The following TRIM5 variants were observed in gnomAD, a reference collection of about 807,000 sequenced individuals.
TRIM5 encodes tripartite motif-containing protein 5.
TRIM5 carries 31 observed loss-of-function variants against 35.6 expected under a neutral mutation model. The ratio of observed to expected loss-of-function variants is 0.87; its 90% CI spans 0.65 to 1.18. TRIM5 has a LOEUF of 1.18. Among genes scored for constraint, TRIM5 ranks in the 50% most tolerant of loss-of-function variants. The probability of loss-of-function intolerance (pLI) is 0.00; values close to 1 mark genes in which losing one functional copy is unlikely to be tolerated. For synonymous variants in TRIM5, 243 were observed against 215.6 expected, an observed-to-expected ratio of 1.13 and a Z score of -1.11; for missense variants, 609 against 591.6, an observed-to-expected ratio of 1.03 and a Z score of -0.31.
the TRIM5 span, chr11:5,643,885 A>T: frequency 1.2e-6 from 1 of 816,568 alleles, no homozygotes; most frequent in Non-Finnish European, 1.8e-6. Context: ...TTATTCATTT[A>T]CTCTTTTTCA....
chr11:5,641,458 C>T, the TRIM5 span, among the ~76,000 whole-genome samples: 6,137 of 152,262 alleles, frequency 0.04, 399 homozygotes, highest in African/African-American at 0.14. Flanking sequence ...TGTCAGACTT[C>T]GGTGACTTCA....
At chr11:5,603,620 A>G in the TRIM5 span, 1 of 1,613,358 alleles carries the variant, frequency 6.2e-7, no homozygotes, top group Non-Finnish European at 8.5e-7. Flanking sequence ...CATGGAGAAA[A>G]ACTGCAGCTC....
chr11:5,647,925 C>T, the TRIM5 span, among the ~76,000 whole-genome samples: 17 of 152,068 alleles, frequency 1.1e-4, no homozygotes, highest in Non-Finnish European at 2.4e-4. Context: ...CACTATTGAT[C>T]CACACACTCT....
chr11:5,628,676 C>T, the TRIM5 span, among the ~76,000 whole-genome samples: 1 of 152,152 alleles, frequency 6.6e-6, no homozygotes, highest in African/African-American at 2.4e-5. Context: ...CACTATCAAA[C>T]CTGTTCAATT....
chr11:5,604,162 T>TTGTG, the TRIM5 span, among the ~76,000 whole-genome samples: 6 of 150,260 alleles, frequency 4.0e-5, no homozygotes, highest in African/African-American at 1.5e-4. Context: ...GCCCAGCTAA[T>TTGTG]TGTGTGTGTG....
chr11:5,667,363 C>T (rs1474289193), intron 5 of TRIM5, among the ~76,000 whole-genome samples: 3 of 152,026 alleles, frequency 2.0e-5, no homozygotes, highest in African/African-American at 4.8e-5. Context: ...CGGGCCACCA[C>T]GCCCCCCTAA....
the TRIM5 span, chr11:5,632,291 C>T: frequency 2.5e-6 from 4 of 1,613,144 alleles, no homozygotes; most frequent in South Asian, 2.2e-5. Context: ...GAGAGGAGAG[C>T]CTCAGGAGTT....
chr11:5,634,164 G>C, the TRIM5 span, among the ~76,000 whole-genome samples: 9 of 152,152 alleles, frequency 5.9e-5, no homozygotes, highest in African/African-American at 2.2e-4. Context: ...TTTTCCAACG[G>C]GGCTCTACTA....
At chr11:5,626,170 AC>A in the TRIM5 span, among the ~76,000 whole-genome samples, 1 of 152,254 alleles carries the variant, frequency 6.6e-6, no homozygotes, top group Admixed American at 6.5e-5. Flanking sequence ...CTAGTCAGGC[AC>A]AAGACCCAAC....
chr11:5,636,822 G>C, the TRIM5 span, among the ~76,000 whole-genome samples: 1 of 152,166 alleles, frequency 6.6e-6, no homozygotes, highest in South Asian at 2.1e-4. Flanking sequence ...TCTGAGTAGG[G>C]ACTTTGGCTA....
chr11:5,678,951 G>A, intron 3 of TRIM5, 123 bp downstream of exon 3: 1 of 787,860 alleles, frequency 1.3e-6, no homozygotes, highest in South Asian at 1.5e-5. Flanking sequence ...GGGAAAGGAT[G>A]AAGAGGACTA....
At chr11:5,637,928 A>C in the TRIM5 span, among the ~76,000 whole-genome samples, 3 of 152,188 alleles carry the variant, frequency 2.0e-5, no homozygotes, top group Non-Finnish European at 4.4e-5. Flanking sequence ...TTGTTTCGTC[A>C]ATATCCATTC....
chr11:5,605,581 A>T, the TRIM5 span: 1 of 1,608,160 alleles, frequency 6.2e-7, no homozygotes, highest in South Asian at 1.1e-5. Context: ...AGGCTTGTGA[A>T]GGAGCCCAGA....
At position 5,664,632 on chromosome 11, in the gene TRIM5, T is replaced by TGG. The variant is rs1850986265; in HGVS notation, c.*175_*176dup. ...TTGCTATCAAATGTCAATAAAATATTGGGGACAATATGGCACAAGGCAATT... is the reference window on the plus strand; with the variant it reads ...TTGCTATCAAATGTCAATAAAATATTGGGGGGACAATATGGCACAAGGCAATT... On this transcript the variant is annotated 3_prime_UTR_variant, in exon 8 of 8. Transcript: ENST00000380034. The TGG allele has an allele frequency of 1.2e-5, 16 of 1,340,444 alleles. No individual in the cohort carries two copies. Among genetic ancestry groups the TGG allele is most frequent in the Middle Eastern group, 5.6e-4 (2 of 3,580 alleles). The allele number at this position is 1,340,444 out of a possible 1,614,324, so 83.0% of individuals were successfully genotyped here.
chr11:5,665,485 T>C, intron 7 of TRIM5, 90 bp from the exon 8 acceptor site: 1 of 1,543,732 alleles, frequency 6.5e-7, no homozygotes, highest in Non-Finnish European at 8.7e-7. Flanking sequence ...GAGAGAAAAC[T>C]GGGAGGAACC....
chr11:5,610,863 G>C, the TRIM5 span: 1 of 1,614,218 alleles, frequency 6.2e-7, no homozygotes. Flanking sequence ...GGGAGCTAAA[G>C]TATCTGGACC....
At chr11:5,666,571 G>C (rs1368061529) in intron 5 of TRIM5, among the ~76,000 whole-genome samples, 1 of 152,200 alleles carries the variant, frequency 6.6e-6, no homozygotes, top group Non-Finnish European at 1.5e-5. Flanking sequence ...CCTGTTTGGA[G>C]AGGCCTAAGA....
chr11:5,597,652 C>G, the TRIM5 span, among the ~76,000 whole-genome samples: 5 of 151,914 alleles, frequency 3.3e-5, no homozygotes, highest in Non-Finnish European at 5.9e-5. Context: ...TGGACGGGCC[C>G]GCTCTGTCAT....
In TRIM5 at chr11:5,685,019, T is replaced by G. The variant is rs56114717; in HGVS notation, c.-213A>C. ...GACGTGGTTAGGATTCACTCACCAA[T>G]CCACGGGCCTGATCTGCACAAAGGA... is the stretch of plus-strand genomic sequence containing the variant. On this transcript the variant is annotated 5_prime_UTR_variant, in exon 1 of 8. Transcript: ENST00000380034. The G allele has an allele frequency of 6.6e-6, 1 of 152,020 alleles. No homozygotes were observed. Among genetic ancestry groups the G allele is most frequent in the African/African-American group, 2.4e-5 (1 of 41,332 alleles). 9.4% of individuals were successfully genotyped at this position (152,020 alleles called of 1,614,324 possible).
Sources: allele counts gnomAD v4.1 joint callset (sites outside exome capture counted in the v4.1 genomes callset), GRCh38; gene constraint gnomAD v4.1.1; transcripts MANE v1.5; gene names NCBI Gene and HGNC (gene_info 2026-07-23, HGNC 2026-07-21).